CAST: variants seen among roughly 807,000 people sequenced by gnomAD.
CAST encodes the protein calpastatin.
CAST carries 76 observed loss-of-function variants against 119.6 expected under a neutral mutation model. The observed-to-expected ratio is 0.64, with a 90% CI of 0.53 to 0.77. The LOEUF (loss-of-function observed/expected upper bound fraction) is 0.77, where lower values mean the gene tolerates loss of function less well. Ranked by LOEUF, CAST falls within the 30% of genes least tolerant of loss-of-function variation. The pLI is 0.00. For missense variants in CAST, 953 were observed against 946.5 expected (o/e 1.01, Z -0.09); for synonymous variants, 319 against 331.6 (o/e 0.96, Z 0.41).
At chr5:96,690,708 G>A (rs1265718926) in intron 2 of CAST, among the ~76,000 whole-genome samples, 1 of 152,166 alleles carries the variant, frequency 6.6e-6, no homozygotes, top group Non-Finnish European at 1.5e-5. Context: ...TTAAACTATG[G>A]TGTTAAAAGA....
chr5:96,063,382 C>T, the CAST span, among the ~76,000 whole-genome samples: 1 of 152,110 alleles, frequency 6.6e-6, no homozygotes, highest in Non-Finnish European at 1.5e-5. Context: ...AGGACCATCC[C>T]AGCTCCAGAG....
the CAST span, among the ~76,000 whole-genome samples, chr5:96,277,751 G>GTT: frequency 6.8e-6 from 1 of 146,686 alleles, no homozygotes; most frequent in African/African-American, 2.5e-5. Context: ...ATTAAGTAAG[G>GTT]TTTTTTTTTT....
the CAST span, among the ~76,000 whole-genome samples, chr5:96,477,548 C>T: frequency 1.3e-5 from 2 of 152,158 alleles, no homozygotes; most frequent in Non-Finnish European, 2.9e-5. Context: ...GGTATTTTGA[C>T]CCATAGTGCT....
chr5:96,123,776 A>C, the CAST span, among the ~76,000 whole-genome samples: 1 of 152,180 alleles, frequency 6.6e-6, no homozygotes, highest in Non-Finnish European at 1.5e-5. Flanking sequence ...CCCGAGTGGG[A>C]GAATTGAGAA....
the CAST span, among the ~76,000 whole-genome samples, chr5:96,350,134 C>T: frequency 6.6e-6 from 1 of 152,112 alleles, no homozygotes; most frequent in South Asian, 2.1e-4. Flanking sequence ...GATGTGTGCC[C>T]AGGAGGCAAG....
At chr5:96,763,376 GTGTATGTA>G in intron 25 of CAST, 2 of 703,622 alleles carry the variant, frequency 2.8e-6, no homozygotes, top group Non-Finnish European at 5.3e-6. Flanking sequence ...ATGTGCATGT[GTGTATGTA>G]AACACACCCA....
chr5:96,563,766 A>G (rs1181521250), intron 1 of CAST, among the ~76,000 whole-genome samples: 1 of 152,206 alleles, frequency 6.6e-6, no homozygotes, highest in Non-Finnish European at 1.5e-5. Flanking sequence ...TAAGGAGCAC[A>G]GTTTTGCAAA....
At chr5:96,736,447 T>C (rs1265616383) in intron 10 of CAST, among the ~76,000 whole-genome samples, 2 of 141,408 alleles carry the variant, frequency 1.4e-5, no homozygotes, top group Admixed American at 7.0e-5. Context: ...TTATAACCCC[T>C]TTTTTAAAAA....
chr5:96,695,204 A>T (rs1378750539), intron 2 of CAST, among the ~76,000 whole-genome samples: 1 of 152,212 alleles, frequency 6.6e-6, no homozygotes, highest in African/African-American at 2.4e-5. Flanking sequence ...ATATTGGTTT[A>T]TCTTGTTACT....
chr5:96,729,306 A>G lies in CAST; in HGVS notation c.435+97A>G, dbSNP rs1280352093. The G allele has an allele frequency of 7.1e-6, 5 of 700,084 alleles. No individual in the cohort carries two copies. In the Admixed American group the frequency reaches 1.3e-4, roughly 19 times the overall value. The allele number at this position is 700,084 out of a possible 1,614,324, so 43.4% of individuals were successfully genotyped here. ...AATTCAAAACTAATCCCTACAATGG[A>G]TAGTTGGATATTAGTTTTTTCAGCT... On this transcript the variant is annotated intron_variant, in intron 7 of 31. Transcript: ENST00000675179.
upstream of CAST, among the ~76,000 whole-genome samples, chr5:96,659,442 C>T (rs1407767114): frequency 6.6e-6 from 1 of 152,214 alleles, no homozygotes; most frequent in African/African-American, 2.4e-5. Context: ...CTCCCCATAG[C>T]AGGCATCTGT....
the CAST span, among the ~76,000 whole-genome samples, chr5:96,008,460 T>C: frequency 6.6e-6 from 1 of 152,322 alleles, no homozygotes; most frequent in African/African-American, 2.4e-5. Flanking sequence ...GTATATGTCA[T>C]TTTTTCTTTT....
At chr5:96,130,665 C>T in the CAST span, among the ~76,000 whole-genome samples, 4 of 151,706 alleles carry the variant, frequency 2.6e-5, no homozygotes, top group African/African-American at 9.7e-5. Context: ...ATTACTAATT[C>T]TAAAATATAA....
chr5:96,421,996 A>T, the CAST span: 5 of 164,480 alleles, frequency 3.0e-5, no homozygotes, highest in East Asian at 2.2e-4. Flanking sequence ...GCAGCATTAA[A>T]AAAAAAAAAA....
chr5:96,301,832 C>T, the CAST span, among the ~76,000 whole-genome samples: 142 of 152,310 alleles, frequency 9.3e-4, no homozygotes, highest in Middle Eastern at 3.4e-3. Context: ...TCACTGCGTG[C>T]CTGTGGCTTT....
the CAST span, among the ~76,000 whole-genome samples, chr5:96,279,560 T>C: frequency 2.6e-5 from 4 of 152,164 alleles, no homozygotes; most frequent in African/African-American, 9.7e-5. Context: ...ATTTTTTAAT[T>C]CACAAGCAAA....
At chr5:96,605,645 G>T (rs1747238846) in intron 1 of CAST, among the ~76,000 whole-genome samples, 1 of 152,174 alleles carries the variant, frequency 6.6e-6, no homozygotes, top group Admixed American at 6.5e-5. Flanking sequence ...TTGCTCTGAG[G>T]CATATAGCTG....
chr5:96,669,261 C>G (rs1047807950), intron 1 of CAST, among the ~76,000 whole-genome samples: 1 of 152,216 alleles, frequency 6.6e-6, no homozygotes, highest in Admixed American at 6.5e-5. Context: ...AAGTAGAATA[C>G]ATATACAAAT....
chr5:96,522,398 A>C (rs1349605604), upstream of CAST, among the ~76,000 whole-genome samples: 1 of 152,168 alleles, frequency 6.6e-6, no homozygotes, highest in African/African-American at 2.4e-5. Context: ...CCTCCTACAC[A>C]GTCTATACAT....
Sources: gnomAD v4.1 joint callset for allele counts (sites outside exome capture counted in the v4.1 genomes callset) on GRCh38, gnomAD v4.1.1 for gene constraint, MANE v1.5 for transcripts, NCBI Gene and HGNC (gene_info 2026-07-23, HGNC 2026-07-21) for gene names.